The following TNNI3K variants were observed in gnomAD, a reference collection of about 807,000 sequenced individuals.
TNNI3K encodes serine/threonine-protein kinase TNNI3K.
In TNNI3K, 140 loss-of-function variants were observed where a neutral mutation model predicts 114.5. The ratio of observed to expected loss-of-function variants is 1.22; its 90% CI spans 1.07 to 1.41. TNNI3K has a LOEUF of 1.41. Among genes scored for constraint, TNNI3K ranks in the 40% most tolerant of loss-of-function variants. The probability of loss-of-function intolerance (pLI) is 0.00; values close to 1 mark genes in which losing one functional copy is unlikely to be tolerated. For synonymous variants in TNNI3K, 347 were observed against 347.5 expected, an observed-to-expected ratio of 1.00 and a Z score of 0.02; for missense variants, 1,125 against 1,007.6, an observed-to-expected ratio of 1.12 and a Z score of -1.58.
intron 10 of TNNI3K, among the ~76,000 whole-genome samples, chr1:74,353,772 G>A (rs1393640557): frequency 6.6e-6 from 1 of 152,098 alleles, no homozygotes; most frequent in Non-Finnish European, 1.5e-5. Context: ...GACAGTCTCT[G>A]TAGAAGGTTG....
At chr1:74,259,132 A>G (rs1232276565) in intron 4 of TNNI3K, among the ~76,000 whole-genome samples, 2 of 152,190 alleles carry the variant, frequency 1.3e-5, no homozygotes, top group African/African-American at 4.8e-5. Context: ...GGATCTATCT[A>G]TCTATCTATC....
chr1:74,252,542 A>T (rs956726466), intron 4 of TNNI3K, among the ~76,000 whole-genome samples: 4 of 152,190 alleles, frequency 2.6e-5, no homozygotes, highest in Non-Finnish European at 4.4e-5. Context: ...GAAGCCAGGG[A>T]CCCTCGCGGT....
intron 5 of TNNI3K, among the ~76,000 whole-genome samples, chr1:74,292,924 A>G (rs1188840406): frequency 6.6e-6 from 1 of 151,686 alleles, no homozygotes; most frequent in African/African-American, 2.4e-5. Context: ...TAATGAATAC[A>G]TTACAATAGA....
intron 23 of TNNI3K, among the ~76,000 whole-genome samples, chr1:74,522,755 T>C (rs570883461): frequency 1.1e-3 from 165 of 152,332 alleles, no homozygotes; most frequent in Non-Finnish European, 1.9e-3. Context: ...GATTCAAATC[T>C]GGATTAAAAC....
chr1:74,320,670 A>T (rs1659558839), intron 5 of TNNI3K, among the ~76,000 whole-genome samples: 1 of 152,176 alleles, frequency 6.6e-6, no homozygotes, highest in Non-Finnish European at 1.5e-5. Flanking sequence ...GATACTCATT[A>T]ACCAATGACA....
intron 23 of TNNI3K, among the ~76,000 whole-genome samples, chr1:74,509,116 A>C (rs1670053823): frequency 1.3e-5 from 2 of 152,136 alleles, no homozygotes; most frequent in Admixed American, 1.3e-4. Context: ...TCTCTTTGAG[A>C]TAGTAGAGCA....
intron 2 of TNNI3K, among the ~76,000 whole-genome samples, chr1:74,246,692 C>CTAA (rs1396457600): frequency 1.3e-5 from 2 of 152,170 alleles, no homozygotes; most frequent in African/African-American, 4.8e-5. Flanking sequence ...TTCTTCTGAG[C>CTAA]TAATCATAAT....
At chr1:74,323,313 TAA>T (rs1659724334) in intron 5 of TNNI3K, among the ~76,000 whole-genome samples, 1 of 152,192 alleles carries the variant, frequency 6.6e-6, no homozygotes, top group South Asian at 2.1e-4. Context: ...AGTTTAAACT[TAA>T]GTGTTTTTCC....
chr1:74,336,982 C>A (rs12066037), intron 7 of TNNI3K, among the ~76,000 whole-genome samples: 1,574 of 151,626 alleles, frequency 0.01, 29 homozygotes, highest in African/African-American at 0.036. Flanking sequence ...TAAAAGTGTT[C>A]CTATTTCTCC....
chr1:74,415,799 A>G (rs1665091160), intron 17 of TNNI3K, among the ~76,000 whole-genome samples: 1 of 151,478 alleles, frequency 6.6e-6, no homozygotes, highest in Admixed American at 6.6e-5. Context: ...GATTATGGTC[A>G]TCTTTATATT....
At chr1:74,263,433 C>A (rs1400304813) in intron 4 of TNNI3K, among the ~76,000 whole-genome samples, 1 of 151,908 alleles carries the variant, frequency 6.6e-6, no homozygotes, top group Non-Finnish European at 1.5e-5. Context: ...GATATATATA[C>A]TTAATAAATT....
intron 5 of TNNI3K, among the ~76,000 whole-genome samples, chr1:74,301,842 A>G (rs1025914020): frequency 1.3e-5 from 2 of 152,192 alleles, no homozygotes; most frequent in East Asian, 3.8e-4. Context: ...GAATAAAACT[A>G]TCTGTCAGAG....
intron 4 of TNNI3K, among the ~76,000 whole-genome samples, chr1:74,252,921 CCTG>C (rs929519944): frequency 4.6e-5 from 7 of 152,162 alleles, no homozygotes; most frequent in African/African-American, 1.7e-4. Flanking sequence ...GTTCAGGCAG[CCTG>C]CTTTTATTCT....
chr1:74,490,384 T>C (rs1415838306), intron 22 of TNNI3K, among the ~76,000 whole-genome samples: 1 of 152,128 alleles, frequency 6.6e-6, no homozygotes, highest in African/African-American at 2.4e-5. Context: ...TATCCTCTCA[T>C]TTTGAAACTT....
At chr1:74,424,718 CAA>C (rs71588833) in intron 17 of TNNI3K, among the ~76,000 whole-genome samples, 9 of 113,738 alleles carry the variant, frequency 7.9e-5, no homozygotes, top group African/African-American at 1.5e-4. Flanking sequence ...GAGTCCATCT[CAA>C]AAAAAAAAAA....
At chr1:74,452,619 C>A (rs932933878) in intron 20 of TNNI3K, among the ~76,000 whole-genome samples, 2 of 152,142 alleles carry the variant, frequency 1.3e-5, no homozygotes, top group African/African-American at 4.8e-5. Flanking sequence ...TGCTTATCAT[C>A]TTTTTTCCAC....
rs1458598372 is a variant in TNNI3K at position 74,302,539 on chromosome 1, AT to A, written c.445-28909del. On this transcript the variant is annotated intron_variant, in intron 5 of 24. Transcript: ENST00000326637. ...TGCAAAGGAAAAATTCTTGAGGAAA[AT>A]TGAAAGTGTTATTCCAGTGCACATA... 3.3e-5 allele frequency among the ~76,000 whole-genome samples: 5 copies of A among 152,364 alleles called. No homozygotes were observed. The South Asian group carries it at 1.0e-3, about 32-fold the overall frequency.
chr1:74,389,711 A>G (rs1663665447), intron 17 of TNNI3K, among the ~76,000 whole-genome samples: 2 of 152,240 alleles, frequency 1.3e-5, no homozygotes, highest in South Asian at 4.1e-4. Context: ...CCTAATAAAT[A>G]GAAAGTGTTG....
At chr1:74,511,641 T>A (rs774772406) in intron 23 of TNNI3K, among the ~76,000 whole-genome samples, 1 of 152,070 alleles carries the variant, frequency 6.6e-6, no homozygotes, top group Non-Finnish European at 1.5e-5. Context: ...GGATTAGAGA[T>A]CTCTTCAGTC....
Sources: gnomAD v4.1 joint callset for allele counts (sites outside exome capture counted in the v4.1 genomes callset) on GRCh38, gnomAD v4.1.1 for gene constraint, MANE v1.5 for transcripts, NCBI Gene and HGNC (gene_info 2026-07-23, HGNC 2026-07-21) for gene names.